PCDHGA1: variants seen among roughly 807,000 people sequenced by gnomAD.
PCDHGA1 encodes the protein protocadherin gamma subfamily A, 1.
PCDHGA1 carries 32 observed loss-of-function variants against 58.0 expected under a neutral mutation model. The observed-to-expected ratio is 0.55, with a 90% CI of 0.42 to 0.74. PCDHGA1 has a LOEUF of 0.74. PCDHGA1 is among the 30% of genes least tolerant of loss of function. PCDHGA1 has a pLI of 0.00. For synonymous variants in PCDHGA1, 498 were observed against 501.1 expected (o/e 0.99, Z 0.08); for missense variants, 1,205 against 1,182.3 (o/e 1.02, Z -0.28).
At chr5:141,377,699 G>A (rs895371425) in intron 1 of PCDHGA1, 1 of 151,992 alleles carries the variant, frequency 6.6e-6, no homozygotes, top group Non-Finnish European at 1.5e-5. Context: ...TTACTACTTA[G>A]GAATCAAAAA....
At position 141,351,179 on chromosome 5, in the gene PCDHGA1, G is replaced by A. The variant is rs549882944; in HGVS notation, c.2421+18074G>A. On this transcript the variant is annotated intron_variant, in intron 1 of 3. Transcript: ENST00000517417. ...AACCAATGGCACATTGGATTTTGAAGAGACAAGTAGATATGTGTTGAGTGT... is the reference window on the plus strand; with the variant it reads ...AACCAATGGCACATTGGATTTTGAAAAGACAAGTAGATATGTGTTGAGTGT... The A allele has an allele frequency of 2.5e-6, 4 of 1,614,042 alleles. No individual in the cohort carries two copies. The South Asian group carries it at 4.4e-5, about 18-fold the overall frequency.
At chr5:141,358,025 A>G (rs1760791349) in intron 1 of PCDHGA1, among the ~76,000 whole-genome samples, 1 of 152,146 alleles carries the variant, frequency 6.6e-6, no homozygotes, top group Non-Finnish European at 1.5e-5. Context: ...CCCAGTCTCT[A>G]CTAAAATACA....
At chr5:141,459,156 T>C (rs920698328) in intron 1 of PCDHGA1, among the ~76,000 whole-genome samples, 1 of 152,188 alleles carries the variant, frequency 6.6e-6, no homozygotes, top group Non-Finnish European at 1.5e-5. Flanking sequence ...ATATAGAACA[T>C]TTCTATAACC....
chr5:141,460,027 G>A (rs1002703325), intron 1 of PCDHGA1, among the ~76,000 whole-genome samples: 3 of 152,088 alleles, frequency 2.0e-5, no homozygotes, highest in East Asian at 1.9e-4. Flanking sequence ...GCAGTGAGCC[G>A]AGACTGCACC....
At chr5:141,496,021 G>A (rs1011612662) in intron 2 of PCDHGA1, among the ~76,000 whole-genome samples, 1 of 151,336 alleles carries the variant, frequency 6.6e-6, no homozygotes, top group Admixed American at 6.6e-5. Context: ...TTTTCTCTGA[G>A]CCTCTGTCTC....
intron 1 of PCDHGA1, chr5:141,421,848 T>C (rs571838248): frequency 4.9e-5 from 79 of 1,613,634 alleles, no homozygotes; most frequent in Non-Finnish European, 6.0e-5. Flanking sequence ...AGAAAGAGGC[T>C]GCTCACCTGC....
intron 1 of PCDHGA1, among the ~76,000 whole-genome samples, chr5:141,444,229 T>G (rs957213677): frequency 4.6e-5 from 6 of 130,226 alleles, no homozygotes; most frequent in Admixed American, 9.4e-5. Context: ...TGGAGTGCAA[T>G]GGCATGCTCT....
intron 1 of PCDHGA1, chr5:141,340,548 G>A (rs1453532040): frequency 6.2e-6 from 10 of 1,614,118 alleles, no homozygotes; most frequent in African/African-American, 2.7e-5. Flanking sequence ...GAGCAGTTGC[G>A]AGACTTGCAA....
At chr5:141,356,920 G>T in intron 1 of PCDHGA1, 1 of 1,613,924 alleles carries the variant, frequency 6.2e-7, no homozygotes, top group Non-Finnish European at 8.5e-7. Flanking sequence ...TGGCTCCACT[G>T]GTGTGGAGCT....
Position 141,374,382 on chromosome 5 carries a change from C to T in PCDHGA1, c.2421+41277C>T, listed in dbSNP as rs975173370. On this transcript the variant is annotated intron_variant, in intron 1 of 3. Coordinates refer to ENST00000517417, the MANE Select transcript of PCDHGA1 (RefSeq NM_018912.3). ...CGCGAGGAGCTCTGTGCTCAGAGCC[C>T]GCGGTGTCTGGTGAGTTTTAACATC... is the stretch of plus-strand genomic sequence containing the variant. 3.7e-6 allele frequency: 6 copies of T among 1,613,888 alleles called. No individual in the cohort carries two copies. The African/African-American group carries it at 6.7e-5, about 18-fold the overall frequency.
At chr5:141,383,503 C>T (rs751472631) in intron 1 of PCDHGA1, 24 of 1,612,654 alleles carry the variant, frequency 1.5e-5, no homozygotes, top group East Asian at 2.2e-5. Context: ...GGTGCTGGAC[C>T]GGGAGGAAGA....
intron 1 of PCDHGA1, chr5:141,364,802 C>A (rs1312102403): frequency 6.8e-6 from 11 of 1,613,888 alleles, no homozygotes; most frequent in African/African-American, 5.3e-5. Flanking sequence ...TCCCTTCGCG[C>A]GGGATGCGGA....
intron 1 of PCDHGA1, chr5:141,417,908 C>G (rs1255727429): frequency 6.3e-7 from 1 of 1,597,500 alleles, no homozygotes; most frequent in Non-Finnish European, 8.5e-7. Context: ...GCGGCAGGTA[C>G]TATTTCCTTT....
intron 1 of PCDHGA1, chr5:141,397,922 G>A: frequency 1.4e-6 from 1 of 731,582 alleles, no homozygotes; most frequent in Non-Finnish European, 2.2e-6. Flanking sequence ...AGATCTCCTC[G>A]CGCAGCCGCA....
intron 1 of PCDHGA1, chr5:141,379,532 T>C (rs547960333): frequency 7.9e-5 from 12 of 152,376 alleles, no homozygotes; most frequent in African/African-American, 2.9e-4. Context: ...TTTGTTGTTA[T>C]AGGGAAAGCT....
At chr5:141,394,180 C>T in intron 1 of PCDHGA1, 2 of 1,613,948 alleles carry the variant, frequency 1.2e-6, no homozygotes, top group Non-Finnish European at 1.7e-6. Context: ...CCTCATGCCT[C>T]CTACTCAGCG....
chr5:141,356,037 T>C, intron 1 of PCDHGA1: 1 of 1,614,004 alleles, frequency 6.2e-7, no homozygotes, highest in South Asian at 1.1e-5. Context: ...ACGTGACGTA[T>C]TCTTTCCGGA....
At chr5:141,510,879 G>T in intron 3 of PCDHGA1, 68 bp from the exon 4 acceptor site, 1 of 1,611,520 alleles carries the variant, frequency 6.2e-7, no homozygotes, top group Non-Finnish European at 8.5e-7. Flanking sequence ...TAACTGCTGG[G>T]GATATAAGAC....
rs756604175 is a variant in PCDHGA1 at position 141,375,747 on chromosome 5, A to C, written c.2421+42642A>C. 30 of 1,614,128 alleles carry C rather than the reference A, an allele frequency of 1.9e-5. No homozygotes were observed. The Admixed American group carries it at 5.0e-4, about 27-fold the overall frequency. ...TCACTGAGCCTGTTTGTGCTGGACC[A>C]GAATGACAATGCGCCCGAGATCCTG... is the stretch of plus-strand genomic sequence containing the variant. On this transcript the variant is annotated intron_variant, in intron 1 of 3. Transcript: ENST00000517417.
Sources: allele counts gnomAD v4.1 joint callset (sites outside exome capture counted in the v4.1 genomes callset), GRCh38; gene constraint gnomAD v4.1.1; transcripts MANE v1.5; gene names NCBI Gene and HGNC (gene_info 2026-07-23, HGNC 2026-07-21).